The following SEC61B variants were observed in gnomAD, a reference collection of about 807,000 sequenced individuals.
SEC61B encodes the protein protein transport protein Sec61 subunit beta.
A neutral mutation model predicts 12.6 loss-of-function variants in SEC61B; 7 were observed. The observed-to-expected ratio is 0.55, with a 90% CI of 0.32 to 1.04. SEC61B has a LOEUF of 1.04. SEC61B is among the 50% of genes least tolerant of loss of function. SEC61B has a pLI of 0.05. For synonymous variants in SEC61B, 54 were observed against 50.1 expected (o/e 1.08, Z -0.33); for missense variants, 107 against 130.1 (o/e 0.82, Z 0.86).
At chr9:99,222,963 A>ATTTTT in intron 2 of SEC61B, 1 of 265,800 alleles carries the variant, frequency 3.8e-6, no homozygotes. Flanking sequence ...TGGCGGCCCC[A>ATTTTT]TAAGCAATCT....
chr9:99,226,015 GAA>G (rs1183332195), intron 2 of SEC61B, among the ~76,000 whole-genome samples: 1 of 152,244 alleles, frequency 6.6e-6, no homozygotes. Context: ...CTGTGTGTGT[GAA>G]ACCTTTTCTA....
intron 2 of SEC61B, among the ~76,000 whole-genome samples, chr9:99,226,310 CA>C (rs1303485821): frequency 1.3e-5 from 2 of 152,186 alleles, no homozygotes; most frequent in African/African-American, 4.8e-5. Context: ...GTGCTGTAGA[CA>C]GTGCTTCCTG....
intron 2 of SEC61B, among the ~76,000 whole-genome samples, chr9:99,225,325 G>A (rs1405733113): frequency 1.3e-5 from 2 of 152,184 alleles, no homozygotes; most frequent in Non-Finnish European, 2.9e-5. Context: ...TGGGGATAGG[G>A]CAAAGGTAGG....
At chr9:99,226,890 A>G (rs535245630) in intron 2 of SEC61B, among the ~76,000 whole-genome samples, 1 of 152,288 alleles carries the variant, frequency 6.6e-6, no homozygotes, top group East Asian at 1.9e-4. Context: ...TGTGAGAGAC[A>G]CAAGGGGTGT....
At chr9:99,222,678 C>G in intron 2 of SEC61B, 35 bp downstream of exon 2, 9 of 1,403,420 alleles carry the variant, frequency 6.4e-6, no homozygotes, top group Non-Finnish European at 8.6e-6. Context: ...CTTCCAGACT[C>G]GGAGATAGGA....
In SEC61B at chr9:99,222,414, C is replaced by T. The variant is rs759582080; in HGVS notation, c.3+48C>T. 6 of 1,613,634 alleles carry T rather than the reference C, an allele frequency of 3.7e-6. No individual in the cohort carries two copies. The African/African-American group carries it at 8.0e-5, about 22-fold the overall frequency. The stretch of plus-strand genomic sequence containing the variant: ...CCCGCCTCTCCCAGAAGCCCTGACT[C>T]CTCCTGCTTTGCGCCGTGCTTTTCC... On this transcript the variant is annotated intron_variant, in intron 1 of 3. Transcript: ENST00000223641.
chr9:99,228,088 G>A, intron 3 of SEC61B, 88 bp downstream of exon 3: 1 of 1,014,184 alleles, frequency 9.9e-7, no homozygotes, highest in South Asian at 1.5e-5. Context: ...AGTAGCGTTT[G>A]CCTTGATGCG....
intron 2 of SEC61B, among the ~76,000 whole-genome samples, chr9:99,225,992 G>T (rs924078115): frequency 2.0e-5 from 3 of 152,206 alleles, no homozygotes; most frequent in African/African-American, 7.2e-5. Flanking sequence ...CCCACAGATG[G>T]AATGACATAT....
At position 99,230,408 on chromosome 9, in the gene SEC61B, A is replaced by G; in HGVS notation, c.275A>G (p.Lys92Arg). 1 of 1,608,530 alleles carries G rather than the reference A, an allele frequency of 6.2e-7. No homozygotes were observed. Among genetic ancestry groups the G allele is most frequent in the Middle Eastern group, 1.9e-4 (1 of 5,246 alleles). The part of the protein sequence containing the change: ...ASVFMLHIWG[K>R]YTRS ...GTATTTATGTTGCACATTTGGGGCA[A>G]GTACACTCGTTCGTAGATTCAGTTA... The change falls in exon 4 of 4, where the codon AAG becomes AGG. Residue 92 changes from lysine to arginine, a missense_variant. Lys to Arg is a conservative substitution (Grantham distance 26). Coordinates refer to ENST00000223641, the MANE Select transcript of SEC61B (RefSeq NM_006808.3).
chr9:99,223,393 T>G (rs1828859029), intron 2 of SEC61B, among the ~76,000 whole-genome samples: 1 of 150,420 alleles, frequency 6.6e-6, no homozygotes, highest in Admixed American at 6.6e-5. Context: ...TAACCTTTCT[T>G]TTTCCTTTTT....
At chr9:99,227,817 G>T in intron 2 of SEC61B, 82 bp from the exon 3 acceptor site, 1 of 960,096 alleles carries the variant, frequency 1.0e-6, no homozygotes, top group Non-Finnish European at 1.6e-6. Flanking sequence ...TTCCTTAACT[G>T]TGTAATAATG....
At chr9:99,227,408 T>A (rs977763570) in intron 2 of SEC61B, among the ~76,000 whole-genome samples, 28 of 152,184 alleles carry the variant, frequency 1.8e-4, no homozygotes, top group African/African-American at 6.8e-4. Flanking sequence ...ATACTAATTT[T>A]AAAATACATC....
intron 2 of SEC61B, among the ~76,000 whole-genome samples, chr9:99,223,785 C>T (rs903762193): frequency 2.0e-5 from 3 of 152,206 alleles, no homozygotes; most frequent in African/African-American, 7.2e-5. Flanking sequence ...CATCTCAAGG[C>T]AAATTTCTAC....
chr9:99,226,674 C>T (rs191409974), intron 2 of SEC61B, among the ~76,000 whole-genome samples: 5 of 152,174 alleles, frequency 3.3e-5, no homozygotes, highest in African/African-American at 1.2e-4. Context: ...ACATGGGGCA[C>T]GATGAGCAGC....
At chr9:99,228,511 C>A (rs1034813694) in intron 3 of SEC61B, among the ~76,000 whole-genome samples, 7 of 152,118 alleles carry the variant, frequency 4.6e-5, no homozygotes, top group African/African-American at 1.7e-4. Flanking sequence ...ACATGTAATA[C>A]CACTTTCCAA....
At chr9:99,222,922 T>C (rs1828848000) in intron 2 of SEC61B, 1 of 339,258 alleles carries the variant, frequency 2.9e-6, no homozygotes. Flanking sequence ...CTGGTGTCTC[T>C]GGACCTGAGG....
rs113789599 is a variant in SEC61B, at chr9:99,230,421, G to A, written c.288G>A (p.Ser96=). The A allele has an allele frequency of 7.5e-6, 12 of 1,595,218 alleles. No individual in the cohort carries two copies. Among genetic ancestry groups the A allele is most frequent in the African/African-American group, 6.7e-5 (5 of 74,338 alleles). The change falls in exon 4 of 4, where the codon TCG becomes TCA. Residue 96 remains serine (S), a synonymous_variant. Transcript: ENST00000223641. ...ACATTTGGGGCAAGTACACTCGTTC[G>A]TAGATTCAGTTACATCCATCTGTCA... ...MLHIWGKYTR[S]
chr9:99,227,135 G>A (rs553730055), intron 2 of SEC61B, among the ~76,000 whole-genome samples: 5 of 151,696 alleles, frequency 3.3e-5, no homozygotes, highest in African/African-American at 9.7e-5. Flanking sequence ...GCATGGTGGC[G>A]CACGCCTGTA....
At chr9:99,227,180 C>T (rs190837922) in intron 2 of SEC61B, among the ~76,000 whole-genome samples, 18 of 148,886 alleles carry the variant, frequency 1.2e-4, no homozygotes, top group African/African-American at 3.7e-4. Flanking sequence ...GCAGAAGAAT[C>T]GCTTGAACCC....
Sources: gnomAD v4.1 joint callset for allele counts (sites outside exome capture counted in the v4.1 genomes callset) on GRCh38, gnomAD v4.1.1 for gene constraint, MANE v1.5 for transcripts, NCBI Gene and HGNC (gene_info 2026-07-23, HGNC 2026-07-21) for gene names.